Variants in CNTNAP2 observed in about 807,000 individuals in gnomAD.
CNTNAP2 encodes contactin associated protein 2, also known as contactin-associated protein-like 2.
Under a neutral mutation model 155.2 loss-of-function variants are expected in CNTNAP2, and 98 were observed. The observed-to-expected ratio is 0.63, with a 90% CI of 0.54 to 0.75. The LOEUF (loss-of-function observed/expected upper bound fraction) is 0.75, where lower values mean the gene tolerates loss of function less well. Among genes scored for constraint, CNTNAP2 ranks in the 30% least tolerant of loss-of-function variants. The pLI, the probability that CNTNAP2 is intolerant of heterozygous loss-of-function variation, is 0.00. For missense variants in CNTNAP2, 1,727 were observed against 1,688.1 expected, an observed-to-expected ratio of 1.02 and a Z score of -0.40; for synonymous variants, 651 against 631.2, an observed-to-expected ratio of 1.03 and a Z score of -0.47.
intron 14 of CNTNAP2, among the ~76,000 whole-genome samples, chr7:147,923,884 C>CTA (rs1345323660): frequency 6.6e-6 from 1 of 152,138 alleles, no homozygotes; most frequent in Non-Finnish European, 1.5e-5. Flanking sequence ...TTTCAGACTT[C>CTA]TAGCCTCCAG....
At chr7:146,522,796 A>G (rs1797633555) in intron 1 of CNTNAP2, among the ~76,000 whole-genome samples, 2 of 150,102 alleles carry the variant, frequency 1.3e-5, no homozygotes, top group Admixed American at 1.3e-4. Context: ...ATAAAATAAT[A>G]TCTATTATAA....
intron 1 of CNTNAP2, among the ~76,000 whole-genome samples, chr7:146,514,717 A>G (rs1797516064): frequency 2.0e-5 from 3 of 150,328 alleles, no homozygotes; most frequent in Middle Eastern, 3.2e-3. Flanking sequence ...GTCAATCACT[A>G]GTTTCTTTCT....
chr7:147,584,098 G>A (rs985703361), intron 12 of CNTNAP2, among the ~76,000 whole-genome samples: 3 of 152,174 alleles, frequency 2.0e-5, no homozygotes, highest in South Asian at 2.1e-4. Context: ...TTTCAAGAGC[G>A]TTAGACTATG....
intron 13 of CNTNAP2, among the ~76,000 whole-genome samples, chr7:147,676,283 G>T (rs192917004): frequency 6.6e-6 from 1 of 151,976 alleles, no homozygotes; most frequent in Non-Finnish European, 1.5e-5. Context: ...TTAGCAGTTA[G>T]CATTTAGTGT....
intron 1 of CNTNAP2, among the ~76,000 whole-genome samples, chr7:146,160,862 A>G (rs1055557219): frequency 6.6e-6 from 1 of 152,200 alleles, no homozygotes; most frequent in Admixed American, 6.5e-5. Flanking sequence ...TGAGGCCAAC[A>G]TCATCCTGAT....
At chr7:147,823,629 A>G (rs992759855) in intron 13 of CNTNAP2, among the ~76,000 whole-genome samples, 4 of 152,092 alleles carry the variant, frequency 2.6e-5, no homozygotes, top group Non-Finnish European at 5.9e-5. Flanking sequence ...GGACTATAGG[A>G]TGAGAAGGGT....
intron 15 of CNTNAP2, among the ~76,000 whole-genome samples, chr7:148,016,727 G>A (rs1802182531): frequency 6.6e-6 from 1 of 152,160 alleles, no homozygotes; most frequent in African/African-American, 2.4e-5. Flanking sequence ...TTGGTAGTAG[G>A]GAAATTTCTG....
chr7:147,258,828 A>G (rs1804390542), intron 8 of CNTNAP2, among the ~76,000 whole-genome samples: 1 of 152,182 alleles, frequency 6.6e-6, no homozygotes. Context: ...CAATAATTCC[A>G]GTGAAAAAGC....
At chr7:147,632,412 C>T (rs1795102401) in intron 12 of CNTNAP2, among the ~76,000 whole-genome samples, 1 of 152,046 alleles carries the variant, frequency 6.6e-6, no homozygotes, top group Middle Eastern at 3.2e-3. Context: ...TTCCCTAATC[C>T]TGTTGTGATA....
chr7:146,894,704 A>C (rs1795842030), intron 3 of CNTNAP2, among the ~76,000 whole-genome samples: 1 of 152,138 alleles, frequency 6.6e-6, no homozygotes, highest in Non-Finnish European at 1.5e-5. Context: ...ATAGTGTAAA[A>C]TGTTCTTTAA....
intron 2 of CNTNAP2, among the ~76,000 whole-genome samples, chr7:146,800,791 A>AT (rs1399176938): frequency 6.6e-6 from 1 of 152,110 alleles, no homozygotes; most frequent in South Asian, 2.1e-4. Context: ...ACTAGATATA[A>AT]TCTCCCATAG....
intron 4 of CNTNAP2, among the ~76,000 whole-genome samples, chr7:147,055,640 G>A (rs1466285146): frequency 6.6e-6 from 1 of 152,156 alleles, no homozygotes; most frequent in African/African-American, 2.4e-5. Flanking sequence ...GGGACATGGG[G>A]GTTGTCCTTG....
At chr7:147,539,933 A>C (rs1799610315) in intron 11 of CNTNAP2, among the ~76,000 whole-genome samples, 1 of 152,204 alleles carries the variant, frequency 6.6e-6, no homozygotes. Flanking sequence ...TCTCATGTCC[A>C]GGCTCATACC....
At chr7:146,741,156 A>C (rs1276954936) in intron 1 of CNTNAP2, among the ~76,000 whole-genome samples, 2 of 151,974 alleles carry the variant, frequency 1.3e-5, no homozygotes, top group Non-Finnish European at 2.9e-5. Context: ...GGGTATTGTA[A>C]AACTGTGATT....
intron 1 of CNTNAP2, among the ~76,000 whole-genome samples, chr7:146,423,317 T>C: frequency 6.6e-6 from 1 of 152,176 alleles, no homozygotes; most frequent in East Asian, 1.9e-4. Context: ...TTTCCTTAGC[T>C]GTTTTGTTCA....
At chr7:146,389,826 C>T (rs578019076) in intron 1 of CNTNAP2, among the ~76,000 whole-genome samples, 3 of 151,438 alleles carry the variant, frequency 2.0e-5, no homozygotes, top group South Asian at 2.1e-4. Context: ...CTCAGTTTGC[C>T]GAGTAGCTGG....
intron 3 of CNTNAP2, among the ~76,000 whole-genome samples, chr7:146,856,293 G>GATACATACATACATAC (rs1212011580): frequency 8.1e-4 from 51 of 63,064 alleles, no homozygotes; most frequent in African/African-American, 2.7e-3. Context: ...TAGATAGATA[G>GATACATACATACATAC]ATAGATACAT....
intron 3 of CNTNAP2, among the ~76,000 whole-genome samples, chr7:146,982,363 C>A (rs760929128): frequency 3.9e-5 from 6 of 151,972 alleles, no homozygotes; most frequent in Admixed American, 6.6e-5. Flanking sequence ...AACATTAACA[C>A]CCCATTCTTT....
intron 13 of CNTNAP2, among the ~76,000 whole-genome samples, chr7:147,749,309 C>T (rs1398796048): frequency 6.6e-6 from 1 of 152,130 alleles, no homozygotes; most frequent in African/African-American, 2.4e-5. Context: ...GTTTTAATGG[C>T]TAAATAACAG....
Sources: gnomAD v4.1 joint callset for allele counts (sites outside exome capture counted in the v4.1 genomes callset) on GRCh38, gnomAD v4.1.1 for gene constraint, MANE v1.5 for transcripts, NCBI Gene and HGNC (gene_info 2026-07-23, HGNC 2026-07-21) for gene names.